ABCB11: variants seen among roughly 807,000 people sequenced by gnomAD.
ABCB11 encodes the protein ATP binding cassette subfamily B member 11.
A neutral mutation model predicts 148.0 loss-of-function variants in ABCB11; 95 were observed. The observed-to-expected ratio is 0.64, with a 90% CI of 0.54 to 0.76. ABCB11 has a LOEUF of 0.76. Among genes scored for constraint, ABCB11 ranks in the 30% least tolerant of loss-of-function variants. The pLI is 0.00. For synonymous variants in ABCB11, 591 were observed against 555.4 expected, an observed-to-expected ratio of 1.06 and a Z score of -0.90; for missense variants, 1,523 against 1,617.8, an observed-to-expected ratio of 0.94 and a Z score of 1.01.
intron 10 of ABCB11, 41 bp downstream of exon 10, chr2:168,986,069 C>T: frequency 7.1e-7 from 1 of 1,413,232 alleles, no homozygotes; most frequent in African/African-American, 1.5e-5. Flanking sequence ...TCTGAGATAC[C>T]AGAAGGAAAT....
At chr2:168,963,211 T>C (rs1323337138) in intron 18 of ABCB11, among the ~76,000 whole-genome samples, 1 of 151,796 alleles carries the variant, frequency 6.6e-6, no homozygotes, top group Non-Finnish European at 1.5e-5. Context: ...TTTTATTTTA[T>C]TGTAGAAATT....
intron 17 of ABCB11, among the ~76,000 whole-genome samples, chr2:168,965,262 C>A (rs766552476): frequency 6.6e-6 from 1 of 151,728 alleles, no homozygotes; most frequent in Non-Finnish European, 1.5e-5. Context: ...GAGTACATGA[C>A]AAGCATGGGA....
chr2:168,986,352 C>T lies in ABCB11; in HGVS notation c.909-68G>A, dbSNP rs1192985276. ...TCAAGTTATAATGTTTAAAACAGGC[C>T]GTGATGCAGTGGTTTTACAAAATGA... On this transcript the variant is annotated intron_variant, in intron 9 of 27. Transcript: ENST00000650372. 23 of 1,331,156 alleles carry T rather than the reference C, an allele frequency of 1.7e-5. No homozygotes were observed. The Admixed American group carries it at 3.1e-4, about 18-fold the overall frequency. 82.5% of individuals were successfully genotyped at this position (1,331,156 alleles called of 1,614,324 possible). A position where few individuals can be genotyped will look rare whatever the true frequency, so the allele number is the denominator to read the frequency against.
chr2:169,004,041 C>T (rs1694953393), intron 5 of ABCB11, among the ~76,000 whole-genome samples: 2 of 152,108 alleles, frequency 1.3e-5, no homozygotes, highest in Non-Finnish European at 2.9e-5. Context: ...GATAGGTTTT[C>T]CTTTATAGGT....
At chr2:168,925,264 C>T (rs1691255079) in intron 26 of ABCB11, among the ~76,000 whole-genome samples, 1 of 152,188 alleles carries the variant, frequency 6.6e-6, no homozygotes, top group Admixed American at 6.5e-5. Context: ...TTAGAAGCTC[C>T]ACTCTGCTGC....
rs910045100 is a variant in ABCB11 at position 168,922,079 on chromosome 2, G to C, written c.*1543C>G. Among the ~76,000 whole-genome samples, 6 of 151,882 alleles carry C rather than the reference G, an allele frequency of 4.0e-5. No homozygotes were observed. Among genetic ancestry groups the C allele is most frequent in the Non-Finnish European group, 5.9e-5 (4 of 67,982 alleles). On this transcript the variant is annotated 3_prime_UTR_variant, in exon 28 of 28. Coordinates refer to ENST00000650372, the MANE Select transcript of ABCB11 (RefSeq NM_003742.4). ...TTAGCCAGGATGGTCTCAATCTCTC[G>C]ACCTCATGATCCGCCCGCCTTGGCC...
rs78631903 is a variant in ABCB11 at position 169,021,831 on chromosome 2, C to A, written c.-27-3679G>T. On this transcript the variant is annotated intron_variant, in intron 1 of 27. Transcript: ENST00000650372. ...CTGCAACCAAGACATTTTTCAATTA[C>A]ATTTGGCATTTTTATAAAACTTACC... 3.8e-3 allele frequency among the ~76,000 whole-genome samples: 577 copies of A among 152,082 alleles called. 3 individuals are homozygous for A. Among genetic ancestry groups the A allele is most frequent in the Middle Eastern group, 6.8e-3 (2 of 292 alleles).
rs1463057954 is a variant in ABCB11 at position 168,973,740 on chromosome 2, C to T, written c.1409G>A (p.Arg470Gln). 3.7e-6 allele frequency: 6 copies of T among 1,611,910 alleles called. No homozygotes were observed. The highest frequency in any genetic ancestry group is 1.7e-5 in the Admixed American group (1 of 59,892). ...CATTCCTTCACAGGGGTCATAGAAT[C>T]GCTGAATGAGTTGCAGTGCTGTACT... ...GKSTALQLIQRFYDPCEGMVT... is the reference protein window; with the variant it reads ...GKSTALQLIQQFYDPCEGMVT... The change falls in exon 13 of 28, where the codon CGA (arginine) becomes CAA (glutamine). Residue 470 changes from arginine to glutamine, a missense_variant. Arg to Gln is a conservative substitution (Grantham distance 43). Coordinates refer to ENST00000650372, the MANE Select transcript of ABCB11 (RefSeq NM_003742.4).
chr2:168,923,505 A>T lies in ABCB11; in HGVS notation c.*117T>A. ...AAATGACTGTAAAAGTAAAATATTA[A>T]CATTCTTCTTTAAAGAAAAAACAAT... On this transcript the variant is annotated 3_prime_UTR_variant, in exon 28 of 28. Coordinates refer to ENST00000650372, the MANE Select transcript of ABCB11 (RefSeq NM_003742.4). 1.1e-6 allele frequency: 1 copy of T among 902,396 alleles called. No individual in the cohort carries two copies. The highest frequency in any genetic ancestry group is 1.7e-6 in the Non-Finnish European group (1 of 590,004). 55.9% of individuals were successfully genotyped at this position (902,396 alleles called of 1,614,324 possible).
At chr2:168,953,220 T>C (rs961870711) in intron 19 of ABCB11, among the ~76,000 whole-genome samples, 4 of 151,696 alleles carry the variant, frequency 2.6e-5, no homozygotes, top group African/African-American at 9.7e-5. Context: ...GTCTGTTAAG[T>C]TTGATATAAA....
In ABCB11 at chr2:169,013,638, T is replaced by C. The variant is rs537139909; in HGVS notation, c.151-128A>G. 2.7e-5 allele frequency: 18 copies of C among 677,164 alleles called. No individual in the cohort carries two copies. The Admixed American group carries it at 4.1e-4, about 15-fold the overall frequency. The allele number at this position is 677,164 out of a possible 1,614,324, so 41.9% of individuals were successfully genotyped here. A position where few individuals can be genotyped will look rare whatever the true frequency, so the allele number is the denominator to read the frequency against. ...CCAAATTTCATGGGAATCACCTTAA[T>C]TGAGTGGCAGAGTTCGTATACTAAT... On this transcript the variant is annotated intron_variant, in intron 4 of 27. Transcript: ENST00000650372.
intron 1 of ABCB11, among the ~76,000 whole-genome samples, chr2:169,025,490 G>A (rs1028458486): frequency 1.3e-5 from 2 of 152,112 alleles, no homozygotes; most frequent in Non-Finnish European, 2.9e-5. Flanking sequence ...TAAAGACCGA[G>A]TCCTCCCTAC....
At position 169,014,307 on chromosome 2, in the gene ABCB11, T is replaced by G. The variant is rs1304630863; in HGVS notation, c.146A>C (p.Gln49Pro). 1 of 1,613,200 alleles carries G rather than the reference T, an allele frequency of 6.2e-7. No homozygotes were observed. Among genetic ancestry groups the G allele is most frequent in the African/African-American group, 1.3e-5 (1 of 74,974 alleles). The change falls in exon 4 of 28, where the codon CAA becomes CCA. Residue 49 changes from glutamine to proline, a missense_variant. By Grantham distance (76) the Gln-to-Pro change is moderately conservative. Transcript: ENST00000650372. ...AAATCAACACAGTTTTATTACCAAT[T>G]GAAAGAAGCCAACTCTAACGCCATC... ...KGDGVRVGFF[Q>P]LFRFSSSTDI...
intron 6 of ABCB11, among the ~76,000 whole-genome samples, chr2:168,996,032 G>GA (rs1694704866): frequency 1.4e-5 from 2 of 143,992 alleles, no homozygotes; most frequent in Admixed American, 1.4e-4. Context: ...GCCTAAATGG[G>GA]AAAAAATGAT....
chr2:168,987,564 G>A (rs957217868), intron 9 of ABCB11, among the ~76,000 whole-genome samples: 5 of 152,058 alleles, frequency 3.3e-5, no homozygotes, highest in African/African-American at 1.2e-4. Flanking sequence ...CAAGTAGCTG[G>A]GACTACAGGT....
intron 12 of ABCB11, 43 bp downstream of exon 12, chr2:168,976,531 CGAA>C: frequency 8.7e-7 from 1 of 1,154,486 alleles, no homozygotes; most frequent in Non-Finnish European, 1.2e-6. Context: ...AATAAATCAT[CGAA>C]GAAGAAAACA....
At chr2:169,010,992 T>A (rs775635622) in intron 5 of ABCB11, among the ~76,000 whole-genome samples, 3 of 152,194 alleles carry the variant, frequency 2.0e-5, no homozygotes, top group Non-Finnish European at 4.4e-5. Flanking sequence ...TTGTATTCTT[T>A]GCTCGCCTTC....
Position 168,932,464 on chromosome 2 carries a change from T to C in ABCB11, c.3126A>G (p.Ala1042=), listed in dbSNP as rs763202058. 2 of 1,613,260 alleles carry C rather than the reference T, an allele frequency of 1.2e-6. No homozygotes were observed. Among genetic ancestry groups the C allele is most frequent in the South Asian group, 2.2e-5 (2 of 90,722 alleles). ...GRAFSYTPSY[A]KAKISAARFF... is the part of the protein sequence containing the mutation. ...AGCGTGCAGCTGATATTTTAGCTTT[T>C]GCATAACTTGGGGTGTAAGAGAAGG... The change falls in exon 24 of 28, where the codon GCA becomes GCG. Residue 1042 remains alanine (A), a synonymous_variant. Transcript: ENST00000650372.
At position 169,018,086 on chromosome 2, in the gene ABCB11, C is replaced by G; in HGVS notation, c.40G>C (p.Gly14Arg). The change falls in exon 2 of 28, where the codon GGA (glycine) becomes CGA (arginine). Residue 14 changes from glycine to arginine, a missense_variant. Coordinates refer to ENST00000650372, the MANE Select transcript of ABCB11 (RefSeq NM_003742.4). Reference sequence around the variant, plus strand: ...GACTCAAAACCATCATTCTCCTCTCCAAATTTCTTTATACTTCGAAGAATT... The same window carrying G: ...GACTCAAAACCATCATTCTCCTCTCGAAATTTCTTTATACTTCGAAGAATT... The part of the protein sequence containing the change: ...SVILRSIKKF[G>R]EENDGFESDK... 3 of 1,613,564 alleles carry G rather than the reference C, an allele frequency of 1.9e-6. No individual in the cohort carries two copies. In the Middle Eastern group the frequency reaches 5.0e-4, roughly 266 times the overall value.
Sources: allele counts gnomAD v4.1 joint callset (sites outside exome capture counted in the v4.1 genomes callset), GRCh38; gene constraint gnomAD v4.1.1; transcripts MANE v1.5; gene names NCBI Gene and HGNC (gene_info 2026-07-23, HGNC 2026-07-21).